PARVA: variants seen among roughly 807,000 people sequenced by gnomAD.
PARVA encodes the protein parvin alpha, also known as alpha-parvin.
PARVA carries 25 observed loss-of-function variants against 52.6 expected under a neutral mutation model. The ratio of observed to expected loss-of-function variants is 0.48; its 90% CI spans 0.35 to 0.66. The LOEUF (loss-of-function observed/expected upper bound fraction) is 0.66, where lower values mean the gene tolerates loss of function less well. PARVA is among the 30% of genes least tolerant of loss of function. PARVA has a pLI of 0.01. For missense variants in PARVA, 373 were observed against 450.9 expected (o/e 0.83, Z 1.56); for synonymous variants, 185 against 179.1 (o/e 1.03, Z -0.26).
At position 12,492,852 on chromosome 11, in the gene PARVA, A is replaced by ACAC. The variant is rs555927407; in HGVS notation, c.401-3606_401-3605insCAC. Among the ~76,000 whole-genome samples, 569 of 145,120 alleles carry ACAC rather than the reference A, an allele frequency of 3.9e-3. 4 individuals are homozygous for ACAC. Among genetic ancestry groups the ACAC allele is most frequent in the African/African-American group, 0.013 (527 of 40,060 alleles). ...TAATACATACACACACACACACACA[A>ACAC]GATGTTTATTGCAACTTTATTACAA... is the stretch of plus-strand genomic sequence containing the variant. On this transcript the variant is annotated intron_variant, in intron 4 of 12. Coordinates refer to ENST00000334956, the MANE Select transcript of PARVA (RefSeq NM_018222.5).
intron 1 of PARVA, among the ~76,000 whole-genome samples, chr11:12,461,502 A>G (rs931168852): frequency 2.0e-5 from 3 of 152,216 alleles, no homozygotes; most frequent in African/African-American, 4.8e-5. Context: ...AAGGACAAAG[A>G]ACAGTGATGA....
chr11:12,436,307 A>G (rs1238528351), intron 1 of PARVA, among the ~76,000 whole-genome samples: 2 of 152,176 alleles, frequency 1.3e-5, no homozygotes, highest in South Asian at 2.1e-4. Context: ...AACCTGTCTC[A>G]TACACTGGTA....
chr11:12,513,250 T>A (rs1183876249), intron 8 of PARVA, 49 bp from the exon 9 acceptor site: 4 of 1,579,430 alleles, frequency 2.5e-6, no homozygotes, highest in Non-Finnish European at 3.5e-6. Context: ...TGGGCTTCCC[T>A]GCCAGGGATC....
Position 12,499,268 on chromosome 11 carries a change from G to A in PARVA, c.541+2670G>A, listed in dbSNP as rs183151579. On this transcript the variant is annotated intron_variant, in intron 5 of 12. Transcript: ENST00000334956. ...AAGTCATAGTGGCTTGTTCCATAAG[G>A]AATGTGGCAGGCTCAGCTCCTGGGG... 3.4e-3 allele frequency among the ~76,000 whole-genome samples: 516 copies of A among 152,246 alleles called. 3 individuals are homozygous for A. Among genetic ancestry groups the A allele is most frequent in the Admixed American group, 6.6e-3 (101 of 15,286 alleles).
chr11:12,412,267 T>C (rs1462778138), intron 1 of PARVA, among the ~76,000 whole-genome samples: 2 of 152,216 alleles, frequency 1.3e-5, no homozygotes, highest in African/African-American at 4.8e-5. Context: ...AAGAGATGCT[T>C]AATGAATGAC....
intron 1 of PARVA, among the ~76,000 whole-genome samples, chr11:12,402,200 GAAGT>G (rs1434512548): frequency 1.3e-5 from 2 of 152,196 alleles, no homozygotes; most frequent in East Asian, 1.9e-4. Context: ...CCTTAGATAA[GAAGT>G]AAGGGGACAG....
chr11:12,434,855 C>G (rs1240193419), intron 1 of PARVA, among the ~76,000 whole-genome samples: 1 of 152,140 alleles, frequency 6.6e-6, no homozygotes, highest in Admixed American at 6.5e-5. Flanking sequence ...TTTTACCGAG[C>G]CTGCTCCAGG....
Position 12,377,631 on chromosome 11 carries a change from G to C in PARVA, c.-17G>C. On this transcript the variant is annotated 5_prime_UTR_variant, in exon 1 of 13. Transcript: ENST00000334956. ...AGCTCCGCGTCCCGACCGGCCCGCG[G>C]CAGCCTGCGCCGCGCCATGGCCACC... 1 of 1,563,948 alleles carries C rather than the reference G, an allele frequency of 6.4e-7. No individual in the cohort carries two copies. Among genetic ancestry groups the C allele is most frequent in the South Asian group, 1.2e-5 (1 of 85,318 alleles).
intron 11 of PARVA, 103 bp from the exon 12 acceptor site, chr11:12,518,342 T>C (rs1440992560): frequency 8.6e-6 from 7 of 816,226 alleles, no homozygotes; most frequent in Non-Finnish European, 1.4e-5. Flanking sequence ...TAGTTCAGCC[T>C]CTGTCCCTCT....
intron 6 of PARVA, among the ~76,000 whole-genome samples, chr11:12,506,749 C>T (rs1020895148): frequency 6.6e-6 from 1 of 152,228 alleles, no homozygotes; most frequent in Admixed American, 6.5e-5. Flanking sequence ...TGAACAGGCA[C>T]AGAAGCAAGA....
chr11:12,388,935 A>G (rs901321009), intron 1 of PARVA, among the ~76,000 whole-genome samples: 14 of 152,136 alleles, frequency 9.2e-5, no homozygotes, highest in African/African-American at 3.1e-4. Flanking sequence ...TACTTTGGGT[A>G]GAGTCCTAAA....
intron 1 of PARVA, among the ~76,000 whole-genome samples, chr11:12,464,418 T>A (rs2135026969): frequency 6.6e-6 from 1 of 152,324 alleles, no homozygotes; most frequent in South Asian, 2.1e-4. Flanking sequence ...AATTGTTCAA[T>A]TCCAGCATAC....
chr11:12,399,432 A>G (rs78415208), intron 1 of PARVA, among the ~76,000 whole-genome samples: 3,081 of 152,334 alleles, frequency 0.02, 115 homozygotes, highest in African/African-American at 0.071. Context: ...GTTGGACAGC[A>G]GTCAAGCTGG....
In PARVA at chr11:12,508,581, CAGAAACG is replaced by C; in HGVS notation, c.660_666del (p.Arg221GlufsTer12). On this transcript the variant is annotated splice_acceptor_variant and coding_sequence_variant, in exon 7 of 13. Transcript: ENST00000334956. LOFTEE classifies it high-confidence loss of function. ...CCAACCCCTTTCCCCACCCCCATTT[CAGAAACG>C]AGAAGGAATCCTCCAGTCTCGGCAA... 6.2e-7 allele frequency: 1 copy of C among 1,607,166 alleles called. No individual in the cohort carries two copies.
At chr11:12,433,450 C>T (rs1213619821) in intron 1 of PARVA, among the ~76,000 whole-genome samples, 1 of 152,130 alleles carries the variant, frequency 6.6e-6, no homozygotes, top group Non-Finnish European at 1.5e-5. Context: ...GAAGCAACCC[C>T]AGCACTTGAG....
intron 4 of PARVA, among the ~76,000 whole-genome samples, chr11:12,484,085 C>T (rs897234279): frequency 6.6e-6 from 1 of 152,210 alleles, no homozygotes; most frequent in Non-Finnish European, 1.5e-5. Context: ...TTTCCAAATA[C>T]CTCAGTTATA....
intron 1 of PARVA, among the ~76,000 whole-genome samples, chr11:12,469,299 C>T (rs919558387): frequency 1.3e-5 from 2 of 151,898 alleles, no homozygotes; most frequent in African/African-American, 2.4e-5. Context: ...CCCCTTTTCT[C>T]ACGGTGAGCA....
At chr11:12,468,959 A>G (rs1046005275) in intron 1 of PARVA, among the ~76,000 whole-genome samples, 2 of 152,178 alleles carry the variant, frequency 1.3e-5, no homozygotes, top group East Asian at 3.9e-4. Flanking sequence ...AACCACTGCT[A>G]CAGGGATCAA....
chr11:12,510,742 T>C (rs1481115802), intron 7 of PARVA, among the ~76,000 whole-genome samples: 1 of 152,196 alleles, frequency 6.6e-6, no homozygotes, highest in African/African-American at 2.4e-5. Flanking sequence ...AATTATTCAT[T>C]ATCATGAGAA....
Sources: gnomAD v4.1 joint callset for allele counts (sites outside exome capture counted in the v4.1 genomes callset) on GRCh38, gnomAD v4.1.1 for gene constraint, MANE v1.5 for transcripts, NCBI Gene and HGNC (gene_info 2026-07-23, HGNC 2026-07-21) for gene names.